The following MID1 variants were observed in gnomAD, a reference collection of about 807,000 sequenced individuals.
The protein encoded by MID1 is midline 1.
MID1 carries 7 observed loss-of-function variants against 40.4 expected under a neutral mutation model. That is an observed-to-expected ratio of 0.17 (90% CI 0.10 to 0.33). The LOEUF is 0.33. Among genes scored for constraint, MID1 ranks in the 10% least tolerant of loss-of-function variants. The probability of loss-of-function intolerance (pLI) is 1.00; values close to 1 mark genes in which losing one functional copy is unlikely to be tolerated. For synonymous variants in MID1, 229 were observed against 221.2 expected, an observed-to-expected ratio of 1.04 and a Z score of -0.31; for missense variants, 367 against 558.5, an observed-to-expected ratio of 0.66 and a Z score of 3.46.
At chrX:10,556,432 C>T (rs372751895) in intron 2 of MID1, among the ~76,000 whole-genome samples, 1 of 111,961 alleles carries the variant, frequency 8.9e-6, no homozygotes, top group Non-Finnish European at 1.9e-5. Flanking sequence ...CACTACTTAG[C>T]TTGGTTTAGA....
intron 1 of MID1, among the ~76,000 whole-genome samples, chrX:10,571,490 CTT>C (rs757552435): frequency 3.3e-4 from 31 of 92,668 alleles, no homozygotes; most frequent in Admixed American, 3.6e-4. Context: ...CCATTCATTC[CTT>C]TTTTTTTTTT....
intron 3 of MID1, chrX:10,501,344 T>C: frequency 9.7e-7 from 1 of 1,029,739 alleles, no homozygotes; most frequent in Non-Finnish European, 1.3e-6. Context: ...CCCACCAGTA[T>C]GAGAAACTCA....
chrX:10,505,233 T>C, intron 3 of MID1: 5 of 435,641 alleles, frequency 1.1e-5, no homozygotes, highest in Non-Finnish European at 1.1e-5. Flanking sequence ...CCTGCTGACT[T>C]CTGTCACAAT....
At chrX:10,654,622 C>T (rs5934924) in intron 1 of MID1, among the ~76,000 whole-genome samples, 570 of 112,231 alleles carry the variant, frequency 5.1e-3, no homozygotes, top group Non-Finnish European at 6.7e-3. Context: ...AATGCTCACT[C>T]ACTGGCCACT....
chrX:10,828,919 A>G (rs147448981), intron 1 of MID1, among the ~76,000 whole-genome samples: 1,890 of 112,296 alleles, frequency 0.017, 18 homozygotes, highest in Non-Finnish European at 0.026. Flanking sequence ...TAACCGTCCA[A>G]TGAAGTGTGT....
Position 10,811,134 on chromosome X carries a change from T to A in MID1, c.-187+22420A>T, listed in dbSNP as rs145753851. Among the ~76,000 whole-genome samples the A allele has an allele frequency of 9.8e-5, 11 of 111,806 alleles. No individual in the cohort carries two copies. The East Asian group carries it at 3.1e-3, about 32-fold the overall frequency. ...ACTCTAGCTTATGACAACAATGTCA[T>A]CATCTTTTCAGTGTGGCTTTGAGCT... On this transcript the variant is annotated intron_variant, in intron 1 of 10. Coordinates refer to the MID1 transcript ENST00000380785.
In MID1 at chrX:10,521,335, G is replaced by A. The variant is rs189327616; in HGVS notation, c.756+1757C>T. Among the ~76,000 whole-genome samples, 175 of 110,321 alleles carry A rather than the reference G, an allele frequency of 1.6e-3. 1 individual carries two copies. The highest frequency in any genetic ancestry group is 5.5e-3 in the African/African-American group (168 of 30,315). On this transcript the variant is annotated intron_variant, in intron 3 of 9. Coordinates refer to ENST00000317552, the MANE Select transcript of MID1 (RefSeq NM_000381.4). Reference sequence around the variant, plus strand: ...TCTCCTTTCTCTGAATCACATACACGGTATCATAAAATGTTACGTGATTCA... The same window carrying A: ...TCTCCTTTCTCTGAATCACATACACAGTATCATAAAATGTTACGTGATTCA...
At chrX:10,699,309 T>C (rs1463865185) in intron 1 of MID1, among the ~76,000 whole-genome samples, 1 of 112,237 alleles carries the variant, frequency 8.9e-6, no homozygotes, top group African/African-American at 3.2e-5. Context: ...GTTGTGCAAA[T>C]AAATGGGACT....
At chrX:10,721,615 C>T (rs772155009) in intron 1 of MID1, among the ~76,000 whole-genome samples, 2 of 110,090 alleles carry the variant, frequency 1.8e-5, no homozygotes, top group African/African-American at 6.6e-5. Flanking sequence ...CTCCCACCTA[C>T]AGTACAATCT....
intron 1 of MID1, among the ~76,000 whole-genome samples, chrX:10,819,162 CCTCT>C (rs1237595766): frequency 9.1e-6 from 1 of 110,431 alleles, no homozygotes; most frequent in Admixed American, 9.6e-5. Flanking sequence ...TCCCTCCCTC[CCTCT>C]TTCTGTGTGT....
intron 1 of MID1, among the ~76,000 whole-genome samples, chrX:10,626,311 CTATTAT>C (rs772195870): frequency 8.9e-4 from 91 of 101,835 alleles, no homozygotes; most frequent in African/African-American, 1.5e-3. Flanking sequence ...TCATATGAAA[CTATTAT>C]TATTATTATT....
chrX:10,747,140 T>C (rs1332961146), intron 1 of MID1, among the ~76,000 whole-genome samples: 2 of 111,257 alleles, frequency 1.8e-5, no homozygotes, highest in East Asian at 5.7e-4. Context: ...GTTCAATTTA[T>C]GTGTTAGTGG....
chrX:10,567,125 G>A lies in MID1; in HGVS notation c.423C>T (p.Tyr141=). The change falls in exon 2 of 10, where the codon TAC becomes TAT. Residue 141 remains tyrosine (Y), a synonymous_variant. Coordinates refer to ENST00000317552, the MANE Select transcript of MID1 (RefSeq NM_000381.4). The part of the protein sequence containing the change: ...VKTCVTCEVS[Y]CDECLKATHP... The stretch of plus-strand genomic sequence containing the variant: ...GAGTGGCTTTCAGGCACTCGTCACA[G>A]TAGGATACTTCACAAGTGACACAGG... 8.3e-7 allele frequency: 1 copy of A among 1,211,734 alleles called. No homozygotes were observed. The highest frequency in any genetic ancestry group is 1.1e-6 in the Non-Finnish European group (1 of 895,430).
intron 1 of MID1, among the ~76,000 whole-genome samples, chrX:10,745,745 CAT>C (rs1255104788): frequency 8.9e-6 from 1 of 112,232 alleles, no homozygotes; most frequent in African/African-American, 3.2e-5. Flanking sequence ...CATCTTTTGA[CAT>C]GTGTGAACTG....
At chrX:10,597,075 T>C (rs754863280) in intron 1 of MID1, among the ~76,000 whole-genome samples, 12 of 111,316 alleles carry the variant, frequency 1.1e-4, no homozygotes, top group African/African-American at 3.9e-4. Flanking sequence ...GCTAACTTTT[T>C]AAATAGTATT....
chrX:10,718,943 A>T (rs1296376572), intron 1 of MID1, among the ~76,000 whole-genome samples: 1 of 111,800 alleles, frequency 8.9e-6, no homozygotes, highest in Non-Finnish European at 1.9e-5. Flanking sequence ...CCAAAGAAAA[A>T]ACCACATGAT....
Position 10,510,830 on chromosome X carries a change from C to CAAAAAAAAAA in MID1, c.756+12252_756+12261dup, listed in dbSNP as rs1185825614. On this transcript the variant is annotated intron_variant, in intron 3 of 9. Transcript: ENST00000317552. ...CTGGCAACAGAGCAAGACTCTGTCT[C>CAAAAAAAAAA]AAAAAAAAAAAAAAAAAAAAAAAAG... 8.4e-4 allele frequency among the ~76,000 whole-genome samples: 20 copies of CAAAAAAAAAA among 23,942 alleles called. 1 individual carries two copies. The highest frequency in any genetic ancestry group is 2.6e-3 in the African/African-American group (17 of 6,470). 20.8% of individuals were successfully genotyped at this position (23,942 alleles called of 115,157 possible). A position where few individuals can be genotyped will look rare whatever the true frequency, so the allele number is the denominator to read the frequency against.
chrX:10,561,359 T>A lies in MID1; in HGVS notation c.660+5529A>T, dbSNP rs1442236954. On this transcript the variant is annotated intron_variant, in intron 2 of 9. Coordinates refer to ENST00000317552, the MANE Select transcript of MID1 (RefSeq NM_000381.4). ...AAAGCAATGGCAACAAAAGCCAAAA[T>A]TGACAAATGGGATCTAATTAAACTA... is the stretch of plus-strand genomic sequence containing the variant. Among the ~76,000 whole-genome samples, 2 of 106,676 alleles carry A rather than the reference T, an allele frequency of 1.9e-5. 1 individual carries two copies. Among genetic ancestry groups the A allele is most frequent in the African/African-American group, 7.5e-5 (2 of 26,619 alleles). 92.6% of individuals were successfully genotyped at this position (106,676 alleles called of 115,157 possible).
chrX:10,747,914 C>G (rs746349221), intron 1 of MID1, among the ~76,000 whole-genome samples: 1 of 112,144 alleles, frequency 8.9e-6, no homozygotes. Flanking sequence ...CCATAAGCTA[C>G]AAACACTAGG....
Sources: gnomAD v4.1 joint callset for allele counts (sites outside exome capture counted in the v4.1 genomes callset) on GRCh38, gnomAD v4.1.1 for gene constraint, MANE v1.5 for transcripts, NCBI Gene and HGNC (gene_info 2026-07-23, HGNC 2026-07-21) for gene names.